The following COL7A1 variants were observed in gnomAD, a reference collection of about 807,000 sequenced individuals.
COL7A1 encodes the protein collagen alpha-1(VII) chain.
COL7A1 carries 296 observed loss-of-function variants against 456.2 expected under a neutral mutation model. That is an observed-to-expected ratio of 0.65 (90% CI 0.59 to 0.71). COL7A1 has a LOEUF of 0.71. Ranked by LOEUF, COL7A1 falls within the 30% of genes least tolerant of loss-of-function variation. The pLI, the probability that COL7A1 is intolerant of heterozygous loss-of-function variation, is 0.00. For synonymous variants in COL7A1, 1,464 were observed against 1,525.9 expected (o/e 0.96, Z 0.95); for missense variants, 3,441 against 4,017.2 (o/e 0.86, Z 3.88).
In COL7A1 at chr3:48,591,967, A is replaced by C; in HGVS notation, c.1288T>G (p.Ser430Ala). 6.2e-7 allele frequency: 1 copy of C among 1,614,156 alleles called. No individual in the cohort carries two copies. The highest frequency in any genetic ancestry group is 8.5e-7 in the Non-Finnish European group (1 of 1,180,020). ...TLRPVILGPT[S>A]ILLSWNLVPE... ...ACCAAGTTCCAGGAAAGGAGGATGG[A>C]TGTGGGGCCCAGGATGACCGGGCGC... The change falls in exon 11 of 119, where the codon TCC becomes GCC. Residue 430 changes from serine (S) to alanine (A), a missense_variant. By Grantham distance (99) the Ser-to-Ala change is moderately conservative (BLOSUM62 1). This residue lies in a region of COL7A1 where 913 missense variants were observed against 1,088.2 expected (regional missense o/e 0.84). Transcript: ENST00000681320. The surrounding 1 kb of genome is among the most constrained non-coding windows in gnomAD (Gnocchi z 7.0).
chr3:48,574,290 C>A lies in COL7A1; in HGVS notation c.6473G>T (p.Arg2158Leu). The change falls in exon 80 of 119, where the codon CGT becomes CTT. Residue 2158 changes from arginine to leucine, a missense_variant. Physicochemically the swap from Arg to Leu is moderately radical, Grantham distance 102. Transcript: ENST00000681320. The surrounding 1 kb of genome is among the most constrained non-coding windows in gnomAD (Gnocchi z 5.0). ...CTTCCCTTCAGGCCCAGCCATACCA[C>A]GCTCTCCTGGTAGACCCTGCAGAGA... ...QDGNPGLPGE[R>L]GMAGPEGKPG... The A allele has an allele frequency of 6.2e-7, 1 of 1,614,128 alleles. No homozygotes were observed. The highest frequency in any genetic ancestry group is 8.5e-7 in the Non-Finnish European group (1 of 1,180,018).
In COL7A1 at chr3:48,579,941, G is replaced by C. The variant is rs966680914; in HGVS notation, c.5124+90C>G. 16 of 1,605,946 alleles carry C rather than the reference G, an allele frequency of 1.0e-5. No homozygotes were observed. Among genetic ancestry groups the C allele is most frequent in the Admixed American group, 3.3e-5 (2 of 59,982 alleles). On this transcript the variant is annotated intron_variant, in intron 57 of 118. Transcript: ENST00000681320. This position sits in a 1 kb window ranked among gnomAD's most constrained non-coding sequence, Gnocchi z 4.4. ...TTCAGAGGGACAGTGGGGGAAGTGGGAGTTAGTGGAAGGAATGAGGGGACA... is the reference window on the plus strand; with the variant it reads ...TTCAGAGGGACAGTGGGGGAAGTGGCAGTTAGTGGAAGGAATGAGGGGACA...
In COL7A1 at chr3:48,571,031, A is replaced by C; in HGVS notation, c.7165-63T>G. 1 of 1,612,136 alleles carries C rather than the reference A, an allele frequency of 6.2e-7. No individual in the cohort carries two copies. The highest frequency in any genetic ancestry group is 8.5e-7 in the Non-Finnish European group (1 of 1,178,456). On this transcript the variant is annotated intron_variant, in intron 94 of 118. Transcript: ENST00000681320. This position sits in a 1 kb window ranked among gnomAD's most constrained non-coding sequence, Gnocchi z 4.6. Reference sequence around the variant, plus strand: ...CAGGACCCCTCCCAGGACTCTCATCAGAACTCCCTCTTCCTCCTGTGGGGG... The same window carrying C: ...CAGGACCCCTCCCAGGACTCTCATCCGAACTCCCTCTTCCTCCTGTGGGGG...
chr3:48,590,083 G>A lies in COL7A1; in HGVS notation c.2050+130C>T. 9.9e-7 allele frequency: 1 copy of A among 1,006,544 alleles called. No individual in the cohort carries two copies. The highest frequency in any genetic ancestry group is 2.3e-5 in the Admixed American group (1 of 44,274). 62.4% of individuals were successfully genotyped at this position (1,006,544 alleles called of 1,614,324 possible). On this transcript the variant is annotated intron_variant, in intron 16 of 118. Transcript: ENST00000681320. The surrounding 1 kb of genome is among the most constrained non-coding windows in gnomAD (Gnocchi z 4.6). ...ACTGAAGAGGAAGCAGCGTCTCTGA[G>A]GGAGGAGGGAGTGGGATTCTGAAGG... is the stretch of plus-strand genomic sequence containing the variant.
Position 48,586,390 on chromosome 3 carries a change from T to G in COL7A1, c.3492A>C (p.Leu1164=). 6.2e-7 allele frequency: 1 copy of G among 1,613,870 alleles called. No homozygotes were observed. The part of the protein sequence containing the change: ...RQHVPGVMVL[L]VDEPLRGDIF... ...TGTCACCTCTCAAGGGTTCATCCAC[T>G]AGCAGAACCATCACCCCTGGTACGT... The change falls in exon 27 of 119, where the codon CTA becomes CTC. Residue 1164 remains leucine, a synonymous_variant. Transcript: ENST00000681320. This position sits in a 1 kb window ranked among gnomAD's most constrained non-coding sequence, Gnocchi z 5.1.
chr3:48,585,790 C>T lies in COL7A1; in HGVS notation c.3786+40G>A. The T allele has an allele frequency of 6.2e-7, 1 of 1,614,084 alleles. No individual in the cohort carries two copies. Among genetic ancestry groups the T allele is most frequent in the Non-Finnish European group, 8.5e-7 (1 of 1,180,012 alleles). The stretch of plus-strand genomic sequence containing the variant: ...GCCAACCTCTCCTGCCCCACTGACA[C>T]TCAACCCATTCTCTATTCCCCGCCC... On this transcript the variant is annotated intron_variant, in intron 30 of 118. Transcript: ENST00000681320. The surrounding 1 kb of genome is among the most constrained non-coding windows in gnomAD (Gnocchi z 4.5).
rs551365260 is a variant in COL7A1 at position 48,574,197 on chromosome 3, A to ACAG, written c.6501+62_6501+64dup. On this transcript the variant is annotated intron_variant, in intron 80 of 118. Transcript: ENST00000681320. This position sits in a 1 kb window ranked among gnomAD's most constrained non-coding sequence, Gnocchi z 5.0. ...CACACACACACAGACATGCACACAC[A>ACAG]CAGCAGCAGCAGCACCTAGCGGAGG... 15 of 1,589,070 alleles carry ACAG rather than the reference A, an allele frequency of 9.4e-6. No individual in the cohort carries two copies. The highest frequency in any genetic ancestry group is 1.2e-5 in the Non-Finnish European group (14 of 1,159,072).
chr3:48,590,656 C>T lies in COL7A1; in HGVS notation c.1780+17G>A. 1 of 1,614,004 alleles carries T rather than the reference C, an allele frequency of 6.2e-7. No individual in the cohort carries two copies. The highest frequency in any genetic ancestry group is 1.3e-5 in the African/African-American group (1 of 75,022). The stretch of plus-strand genomic sequence containing the variant: ...GAGGCAGGCAGCTGTCCTCCACAAG[C>T]CTCCTGCAGTACTCACCCCGGCGGA... On this transcript the variant is annotated intron_variant, in intron 14 of 118. Transcript: ENST00000681320. This position sits in a 1 kb window ranked among gnomAD's most constrained non-coding sequence, Gnocchi z 4.6.
In COL7A1 at chr3:48,579,653, G is replaced by A. The variant is rs764007836; in HGVS notation, c.5170C>T (p.Arg1724Cys). 3.7e-5 allele frequency: 59 copies of A among 1,613,572 alleles called. No homozygotes were observed. Among genetic ancestry groups the A allele is most frequent in the African/African-American group, 6.7e-5 (5 of 74,868 alleles). Reference sequence around the variant, plus strand: ...GGCCCTCGAGGACCCTCTTGTCCGCGGTCCCCAGGCTCTCCCTGTGGCAGA... The same window carrying A: ...GGCCCTCGAGGACCCTCTTGTCCGCAGTCCCCAGGCTCTCCCTGTGGCAGA... ...GAREKGEPGD[R>C]GQEGPRGPKG... is the part of the protein sequence containing the mutation. The change falls in exon 59 of 119, where the codon CGC (arginine) becomes TGC (cysteine). Residue 1724 changes from arginine to cysteine, a missense_variant. Arg to Cys is a radical substitution (Grantham distance 180). This residue lies in a region of COL7A1 where 2,084 missense variants were observed against 2,501.3 expected (regional missense o/e 0.83). Transcript: ENST00000681320. The surrounding 1 kb of genome is among the most constrained non-coding windows in gnomAD (Gnocchi z 4.4).
chr3:48,589,191 T>TA, intron 18 of COL7A1, 136 bp downstream of exon 18: 1 of 1,460,652 alleles, frequency 6.8e-7, no homozygotes. Flanking sequence ...GGTGGACACT[T>TA]AATCAGTGTG....
In COL7A1 at chr3:48,586,965, G is replaced by A. The variant is rs1473657222; in HGVS notation, c.3276+7C>T. On this transcript the variant is annotated splice_region_variant and intron_variant, in intron 25 of 118. Coordinates refer to ENST00000681320, the MANE Select transcript of COL7A1 (RefSeq NM_000094.4). This position sits in a 1 kb window ranked among gnomAD's most constrained non-coding sequence, Gnocchi z 5.1. Reference sequence around the variant, plus strand: ...AGAGGTAGAATCTGGCTGCCCCAGGGCCAAACCTGAACTGCCTGTGGCCCA... The same window carrying A: ...AGAGGTAGAATCTGGCTGCCCCAGGACCAAACCTGAACTGCCTGTGGCCCA... The A allele has an allele frequency of 6.3e-7, 1 of 1,585,880 alleles. No homozygotes were observed. The highest frequency in any genetic ancestry group is 1.8e-5 in the Admixed American group (1 of 55,124).
At position 48,585,850 on chromosome 3, in the gene COL7A1, T is replaced by C. The variant is rs1351228744; in HGVS notation, c.3766A>G (p.Lys1256Glu). 4 of 1,613,986 alleles carry C rather than the reference T, an allele frequency of 2.5e-6. No homozygotes were observed. In the East Asian group the frequency reaches 8.9e-5, roughly 36 times the overall value. The change falls in exon 30 of 119, where the codon AAG (lysine) becomes GAG (glutamate). Residue 1256 changes from lysine to glutamate, a missense_variant. Physicochemically the swap from Lys to Glu is moderately conservative, Grantham distance 56. Coordinates refer to ENST00000681320, the MANE Select transcript of COL7A1 (RefSeq NM_000094.4). The surrounding 1 kb of genome is among the most constrained non-coding windows in gnomAD (Gnocchi z 4.5). ...CTCACCATCTCTCCAGGTTCCCCCTTCTGGCCCTGGGGAAAGACATGTCAG... is the reference window on the plus strand; with the variant it reads ...CTCACCATCTCTCCAGGTTCCCCCTCCTGGCCCTGGGGAAAGACATGTCAG... ...PCPVYCPKGQ[K>E]GEPGEMGLRG...
Position 48,591,483 on chromosome 3 carries a change from G to T in COL7A1, c.1617C>A (p.Ile539=). 6.2e-7 allele frequency: 1 copy of T among 1,613,976 alleles called. No homozygotes were observed. Among genetic ancestry groups the T allele is most frequent in the South Asian group, 1.1e-5 (1 of 91,078 alleles). Residue 539 remains isoleucine (I), a synonymous_variant, in exon 13 of 119, where the codon ATC becomes ATA. Transcript: ENST00000681320. This position sits in a 1 kb window ranked among gnomAD's most constrained non-coding sequence, Gnocchi z 7.0. ...SPVPGATQYR[I]IVRSTQGVER... Reference sequence around the variant, plus strand: ...CCTCACCCTGGGTGCTGCGCACAATGATGCGGTACTGGGTGGCACCAGGGA... The same window carrying T: ...CCTCACCCTGGGTGCTGCGCACAATTATGCGGTACTGGGTGGCACCAGGGA...
In COL7A1 at chr3:48,567,357, C is replaced by G. The variant is rs1397177779; in HGVS notation, c.8047-167G>C. The G allele has an allele frequency of 9.2e-6, 9 of 976,102 alleles. No homozygotes were observed. The highest frequency in any genetic ancestry group is 1.4e-5 in the Non-Finnish European group (9 of 634,488). 60.5% of individuals were successfully genotyped at this position (976,102 alleles called of 1,614,324 possible). ...CATGACTCCAACTCCACTATAGCCC[C>G]CTGCCCTGATGCACATGCCCCCTCC... On this transcript the variant is annotated intron_variant, in intron 109 of 118. Coordinates refer to ENST00000681320, the MANE Select transcript of COL7A1 (RefSeq NM_000094.4). The surrounding 1 kb of genome is among the most constrained non-coding windows in gnomAD (Gnocchi z 4.3).
chr3:48,583,689 C>T lies in COL7A1; in HGVS notation c.4341+29G>A, dbSNP rs1188244211. ...CAGCACGCAGCCTCCCACCCCAGAA[C>T]TGGGACATCATCAAGTCAGCCTTCC... On this transcript the variant is annotated intron_variant, in intron 40 of 118. Transcript: ENST00000681320. This position sits in a 1 kb window ranked among gnomAD's most constrained non-coding sequence, Gnocchi z 5.1. 1 of 1,614,006 alleles carries T rather than the reference C, an allele frequency of 6.2e-7. No individual in the cohort carries two copies. The highest frequency in any genetic ancestry group is 8.5e-7 in the Non-Finnish European group (1 of 1,179,946).
Position 48,571,381 on chromosome 3 carries a change from A to T in COL7A1, c.7069-103T>A. ...CAGGGGAGTTCTGATGTGACCATGA[A>T]CACATGGGAACTCAGACATGCGACC... is the stretch of plus-strand genomic sequence containing the variant. On this transcript the variant is annotated intron_variant, in intron 92 of 118. Transcript: ENST00000681320. The surrounding 1 kb of genome is among the most constrained non-coding windows in gnomAD (Gnocchi z 4.6). 7.1e-7 allele frequency: 1 copy of T among 1,407,026 alleles called. No individual in the cohort carries two copies. Among genetic ancestry groups the T allele is most frequent in the African/African-American group, 1.4e-5 (1 of 70,654 alleles). The allele number at this position is 1,407,026 out of a possible 1,614,324, so 87.2% of individuals were successfully genotyped here.
chr3:48,573,548 C>T lies in COL7A1; in HGVS notation c.6583G>A (p.Gly2195Ser), dbSNP rs1351353901. ...PGPPGAPGLA[G>S]PAGPQGPSGL... is the part of the protein sequence containing the mutation. Reference sequence around the variant, plus strand: ...GAAGGTCCTTGGGGTCCTGCAGGGCCAGCAAGACCCTAGAGAAAAGGGTCA... The same window carrying T: ...GAAGGTCCTTGGGGTCCTGCAGGGCTAGCAAGACCCTAGAGAAAAGGGTCA... The change falls in exon 83 of 119, where the codon GGC becomes AGC. Residue 2195 changes from glycine (G) to serine (S), a missense_variant. Transcript: ENST00000681320. The surrounding 1 kb of genome is among the most constrained non-coding windows in gnomAD (Gnocchi z 5.5). The T allele has an allele frequency of 6.2e-7, 1 of 1,614,064 alleles. No homozygotes were observed. Among genetic ancestry groups the T allele is most frequent in the Non-Finnish European group, 8.5e-7 (1 of 1,180,008 alleles).
chr3:48,593,017 A>G lies in COL7A1; in HGVS notation c.683-79T>C, dbSNP rs2045821538. The G allele has an allele frequency of 6.2e-7, 1 of 1,612,810 alleles. No individual in the cohort carries two copies. The highest frequency in any genetic ancestry group is 8.5e-7 in the Non-Finnish European group (1 of 1,179,460). On this transcript the variant is annotated intron_variant, in intron 6 of 118. Coordinates refer to ENST00000681320, the MANE Select transcript of COL7A1 (RefSeq NM_000094.4). This position sits in a 1 kb window ranked among gnomAD's most constrained non-coding sequence, Gnocchi z 4.4. ...ATGCAGAGTTGGGGTCGGGGTCAGG[A>G]GCACATAGGATGGAATCAGCACTGC...
At position 48,567,416 on chromosome 3, in the gene COL7A1, C is replaced by A. The variant is rs1019915478; in HGVS notation, c.8046+158G>T. ...TGCTTTCATCCTAACTCCACTGTGA[C>A]CCCAACCCACCTTGACACCTCGAGA... On this transcript the variant is annotated intron_variant, in intron 109 of 118. Transcript: ENST00000681320. This position sits in a 1 kb window ranked among gnomAD's most constrained non-coding sequence, Gnocchi z 4.3. 1.3e-5 allele frequency: 15 copies of A among 1,119,068 alleles called. No individual in the cohort carries two copies. The highest frequency in any genetic ancestry group is 3.1e-5 in the African/African-American group (2 of 65,076). The allele number at this position is 1,119,068 out of a possible 1,614,324, so 69.3% of individuals were successfully genotyped here.
Sources: allele counts gnomAD v4.1 joint callset, GRCh38; gene constraint gnomAD v4.1.1; regional missense constraint gnomAD v4.1.1; non-coding constraint Gnocchi (gnomAD v3.1); transcripts MANE v1.5; gene names NCBI Gene and HGNC (gene_info 2026-07-23, HGNC 2026-07-21).